DLG2: variants seen among roughly 807,000 people sequenced by gnomAD.
The protein encoded by DLG2 is discs large MAGUK scaffold protein 2, also known as disks large homolog 2.
DLG2 carries 45 observed loss-of-function variants against 132.5 expected under a neutral mutation model. The ratio of observed to expected loss-of-function variants is 0.34; its 90% CI spans 0.27 to 0.44. DLG2 has a LOEUF of 0.44. DLG2 is among the 20% of genes least tolerant of loss of function. The pLI, the probability that DLG2 is intolerant of heterozygous loss-of-function variation, is 1.00. For missense variants in DLG2, 1,045 were observed against 1,196.9 expected (o/e 0.87, Z 1.87); for synonymous variants, 424 against 419.6 (o/e 1.01, Z -0.13).
chr11:84,824,232 C>G (rs1202190463), intron 6 of DLG2, among the ~76,000 whole-genome samples: 1 of 151,924 alleles, frequency 6.6e-6, no homozygotes, highest in Non-Finnish European at 1.5e-5. Flanking sequence ...CACATCTTTA[C>G]AAATTCAGGC....
At chr11:84,977,858 T>A (rs767656374) in intron 6 of DLG2, among the ~76,000 whole-genome samples, 12 of 152,186 alleles carry the variant, frequency 7.9e-5, no homozygotes, top group Non-Finnish European at 1.3e-4. Context: ...CTGTCAAGTA[T>A]CATTAAGAGT....
chr11:85,116,911 A>T (rs1175427114), intron 5 of DLG2, among the ~76,000 whole-genome samples: 1 of 152,026 alleles, frequency 6.6e-6, no homozygotes, highest in Non-Finnish European at 1.5e-5. Context: ...AGTCTTACAT[A>T]TCACCTACAA....
intron 15 of DLG2, among the ~76,000 whole-genome samples, chr11:83,875,050 T>C (rs1246922715): frequency 2.6e-5 from 4 of 152,120 alleles, no homozygotes; most frequent in Non-Finnish European, 4.4e-5. Flanking sequence ...CAGAACCTAA[T>C]CTGTAAATCA....
intron 7 of DLG2, among the ~76,000 whole-genome samples, chr11:84,449,276 A>T (rs922461965): frequency 6.6e-6 from 1 of 151,898 alleles, no homozygotes; most frequent in Non-Finnish European, 1.5e-5. Context: ...TAAAAATGAG[A>T]TCCACTAATG....
At chr11:85,315,375 C>T (rs982503736) in intron 3 of DLG2, among the ~76,000 whole-genome samples, 5 of 151,954 alleles carry the variant, frequency 3.3e-5, no homozygotes, top group Admixed American at 6.6e-5. Flanking sequence ...TAAACAACCA[C>T]TCCAGCTGCA....
At position 84,869,055 on chromosome 11, in the gene DLG2, C is replaced by G. The variant is rs559661368; in HGVS notation, c.357+242606G>C. Among the ~76,000 whole-genome samples the G allele has an allele frequency of 2.0e-5, 3 of 152,242 alleles. No homozygotes were observed. In the South Asian group the frequency reaches 6.2e-4, roughly 32 times the overall value. On this transcript the variant is annotated intron_variant, in intron 6 of 27. Transcript: ENST00000376104. ...CAAATGTTATCAATTAAGAACAGGA[C>G]AGAGTAAAATGTACATTTAGGTTCC...
chr11:83,463,175 A>T (rs2090359399), intron 26 of DLG2, among the ~76,000 whole-genome samples: 1 of 152,184 alleles, frequency 6.6e-6, no homozygotes, highest in Non-Finnish European at 1.5e-5. Context: ...GTAAGAACTC[A>T]AGGTTTTGGT....
intron 3 of DLG2, among the ~76,000 whole-genome samples, chr11:85,545,847 A>AT (rs1208325164): frequency 6.6e-6 from 1 of 151,786 alleles, no homozygotes; most frequent in African/African-American, 2.4e-5. Context: ...CCCCTTTACC[A>AT]TTTTTTTATT....
intron 18 of DLG2, among the ~76,000 whole-genome samples, chr11:83,675,046 T>C (rs556964514): frequency 6.6e-6 from 1 of 152,356 alleles, no homozygotes; most frequent in East Asian, 1.9e-4. Flanking sequence ...TGTCACTTCC[T>C]CTTCTATGCT....
At chr11:83,987,092 T>C (rs1210000501) in intron 11 of DLG2, among the ~76,000 whole-genome samples, 1 of 152,142 alleles carries the variant, frequency 6.6e-6, no homozygotes, top group Admixed American at 6.6e-5. Flanking sequence ...ATTTTGGCTT[T>C]TGTTGCCATT....
At position 83,922,860 on chromosome 11, in the gene DLG2, C is replaced by T. The variant is rs550115609; in HGVS notation, c.1496+7468G>A. 3.9e-5 allele frequency among the ~76,000 whole-genome samples: 6 copies of T among 152,226 alleles called. No homozygotes were observed. In the South Asian group the frequency reaches 1.0e-3, roughly 26 times the overall value. On this transcript the variant is annotated intron_variant, in intron 15 of 27. Coordinates refer to ENST00000376104, the MANE Select transcript of DLG2 (RefSeq NM_001142699.3). ...ACAATAAACTACCTATGTAAAGTGC[C>T]TGGCTACTGATCTGTGTACCATAAA...
At chr11:84,823,759 T>C (rs939092575) in intron 6 of DLG2, among the ~76,000 whole-genome samples, 1 of 151,908 alleles carries the variant, frequency 6.6e-6, no homozygotes. Context: ...GTTTGTTTCG[T>C]TCACTGCTTT....
At chr11:84,556,863 T>C (rs996943040) in intron 6 of DLG2, among the ~76,000 whole-genome samples, 11 of 152,224 alleles carry the variant, frequency 7.2e-5, no homozygotes, top group African/African-American at 2.7e-4. Context: ...ATAATGGCCC[T>C]ACATAACAAA....
At chr11:84,354,462 CT>C (rs2098599187) in intron 7 of DLG2, among the ~76,000 whole-genome samples, 1 of 152,038 alleles carries the variant, frequency 6.6e-6, no homozygotes, top group African/African-American at 2.4e-5. Context: ...GAAATTGCAC[CT>C]TTTTTTCTCA....
intron 7 of DLG2, among the ~76,000 whole-genome samples, chr11:84,350,188 A>C (rs1459543338): frequency 6.8e-5 from 10 of 147,318 alleles, no homozygotes; most frequent in African/African-American, 2.0e-4. Context: ...CCCCCCCAAA[A>C]AAAAAAAAAA....
chr11:84,988,138 A>G (rs2056702637), intron 6 of DLG2, among the ~76,000 whole-genome samples: 1 of 152,230 alleles, frequency 6.6e-6, no homozygotes, highest in South Asian at 2.1e-4. Flanking sequence ...AACGTAGGAA[A>G]AAATGCTCAA....
At chr11:84,210,530 T>TA (rs2096739554) in intron 8 of DLG2, among the ~76,000 whole-genome samples, 1 of 36,400 alleles carries the variant, frequency 2.7e-5, no homozygotes, top group African/African-American at 7.8e-5. Context: ...AAAACTTAAA[T>TA]TAAAAAAAAA....
At chr11:84,806,664 C>A (rs962386938) in intron 6 of DLG2, among the ~76,000 whole-genome samples, 5 of 152,088 alleles carry the variant, frequency 3.3e-5, no homozygotes, top group African/African-American at 1.2e-4. Context: ...ACCAGAGGAC[C>A]TATGATAAAA....
At chr11:85,303,748 C>A (rs959030263) in intron 3 of DLG2, among the ~76,000 whole-genome samples, 5 of 152,094 alleles carry the variant, frequency 3.3e-5, no homozygotes, top group African/African-American at 1.2e-4. Context: ...AGCTATCTGG[C>A]CTTATAAACT....
Sources: allele counts gnomAD v4.1 joint callset (sites outside exome capture counted in the v4.1 genomes callset), GRCh38; gene constraint gnomAD v4.1.1; transcripts MANE v1.5; gene names NCBI Gene and HGNC (gene_info 2026-07-23, HGNC 2026-07-21).